The following NKX2-3 variants were observed in gnomAD, a reference collection of about 807,000 sequenced individuals.
NKX2-3 encodes NK2 homeobox 3, also known as homeobox protein Nkx-2.3.
NKX2-3 carries 3 observed loss-of-function variants against 14.2 expected under a neutral mutation model. That is an observed-to-expected ratio of 0.21 (90% CI 0.10 to 0.55). NKX2-3 has a LOEUF of 0.55. Ranked by LOEUF, NKX2-3 falls within the 20% of genes least tolerant of loss-of-function variation. The pLI, the probability that NKX2-3 is intolerant of heterozygous loss-of-function variation, is 0.94. For missense variants in NKX2-3, 511 were observed against 514.5 expected, an observed-to-expected ratio of 0.99 and a Z score of 0.06; for synonymous variants, 276 against 234.2, an observed-to-expected ratio of 1.18 and a Z score of -1.63.
rs2033965018 is a variant in NKX2-3 at position 99,535,885 on chromosome 10, G to C, written c.*164G>C. ...AGCTCACTCGAGGCCTGGGGAAGGG[G>C]ACTCAGGGGCGAGGAGGATGACTGG... On this transcript the variant is annotated 3_prime_UTR_variant, in exon 2 of 2. Transcript: ENST00000344586. 3 of 814,546 alleles carry C rather than the reference G, an allele frequency of 3.7e-6. No individual in the cohort carries two copies. The highest frequency in any genetic ancestry group is 5.4e-6 in the Non-Finnish European group (3 of 555,668). 50.5% of individuals were successfully genotyped at this position (814,546 alleles called of 1,614,324 possible). A position where few individuals can be genotyped will look rare whatever the true frequency, so the allele number is the denominator to read the frequency against.
rs1410974331 is a variant in NKX2-3, at chr10:99,533,116, C to T, written c.-16C>T. The stretch of plus-strand genomic sequence containing the variant: ...GCCGGGATTTATTATTTGGACTGGA[C>T]AATTAAGTGGCCCTGATGATGTTAC... On this transcript the variant is annotated 5_prime_UTR_variant, in exon 1 of 2. Transcript: ENST00000344586. 2.0e-6 allele frequency: 3 copies of T among 1,519,410 alleles called. No individual in the cohort carries two copies. The highest frequency in any genetic ancestry group is 2.7e-6 in the Non-Finnish European group (3 of 1,123,912). The allele number at this position is 1,519,410 out of a possible 1,614,324, so 94.1% of individuals were successfully genotyped here.
chr10:99,533,468 G>T lies in NKX2-3; in HGVS notation c.337G>T (p.Val113Phe), dbSNP rs1243060753. 1 of 1,583,000 alleles carries T rather than the reference G, an allele frequency of 6.3e-7. No individual in the cohort carries two copies. Among genetic ancestry groups the T allele is most frequent in the African/African-American group, 1.3e-5 (1 of 74,560 alleles). The change falls in exon 1 of 2, where the codon GTC becomes TTC. Residue 113 changes from valine (V) to phenylalanine (F), a missense_variant. Around this residue, in one of 3 missense-constraint regions of NKX2-3, gnomAD observed 243 missense variants for 242.3 expected, o/e 1.00. Transcript: ENST00000344586. ...CAAGGAACATGAAGAGGAGCCCGAG[G>T]TCGTGAGGGACCGGAGCCAAAGTGA... The part of the protein sequence containing the change: ...EPKEHEEEPE[V>F]VRDRSQKSCQ...
At position 99,535,628 on chromosome 10, in the gene NKX2-3, C is replaced by T. The variant is rs1183443456; in HGVS notation, c.1002C>T (p.Phe334=). 1.3e-6 allele frequency: 2 copies of T among 1,534,408 alleles called. No homozygotes were observed. Among genetic ancestry groups the T allele is most frequent in the Non-Finnish European group, 1.7e-6 (2 of 1,144,014 alleles). ...PFVNVSNLGG[F]GSGGSAQPLH... is the part of the protein sequence containing the mutation. ...TGAACGTGAGCAACCTAGGAGGCTT[C>T]GGCAGCGGCGGCAGCGCACAGCCGT... Residue 334 remains phenylalanine (F), a synonymous_variant, in exon 2 of 2, where the codon TTC becomes TTT. Coordinates refer to ENST00000344586, the MANE Select transcript of NKX2-3 (RefSeq NM_145285.3).
Position 99,533,085 on chromosome 10 carries a change from GC to G in NKX2-3, c.-42del. ...GCTGGAGCCGCCGCGCTGCCTCCCCGCCCCCGCCGGGATTTATTATTTGGAC... is the reference window on the plus strand; with the variant it reads ...GCTGGAGCCGCCGCGCTGCCTCCCCGCCCCGCCGGGATTTATTATTTGGAC... On this transcript the variant is annotated 5_prime_UTR_variant, in exon 1 of 2. Coordinates refer to ENST00000344586, the MANE Select transcript of NKX2-3 (RefSeq NM_145285.3). The G allele has an allele frequency of 7.1e-7, 1 of 1,409,512 alleles. No individual in the cohort carries two copies. The highest frequency in any genetic ancestry group is 9.6e-7 in the Non-Finnish European group (1 of 1,037,574). The allele number at this position is 1,409,512 out of a possible 1,614,324, so 87.3% of individuals were successfully genotyped here.
chr10:99,533,795 A>G (rs2033937062), intron 1 of NKX2-3, among the ~76,000 whole-genome samples: 1 of 152,310 alleles, frequency 6.6e-6, no homozygotes, highest in East Asian at 1.9e-4. Flanking sequence ...GGGTCCTCAT[A>G]ACTGGCAGTA....
At chr10:99,533,663 C>A (rs914564543) in intron 1 of NKX2-3, among the ~76,000 whole-genome samples, 174 bp downstream of exon 1, 6 of 152,216 alleles carry the variant, frequency 3.9e-5, no homozygotes, top group African/African-American at 1.4e-4. Context: ...TGCAAGGGAG[C>A]CGGGGTGGAG....
chr10:99,535,440 G>A lies in NKX2-3; in HGVS notation c.814G>A (p.Ala272Thr), dbSNP rs909037776. The change falls in exon 2 of 2, where the codon GCG (alanine) becomes ACG (threonine). Residue 272 changes from alanine (A) to threonine (T), a missense_variant. Around this residue, in one of 3 missense-constraint regions of NKX2-3, gnomAD observed 264 missense variants for 254.7 expected, o/e 1.04. Transcript: ENST00000344586. ...CGCCTACGGCTATGGGAACTCGGCCGCGGCCGCCGCCGCCGCCGCCGCCGC... is the reference window on the plus strand; with the variant it reads ...CGCCTACGGCTATGGGAACTCGGCCACGGCCGCCGCCGCCGCCGCCGCCGC... ...FPAYGYGNSA[A>T]AAAAAAAAAA... 3.0e-6 allele frequency: 4 copies of A among 1,316,786 alleles called. No homozygotes were observed. The highest frequency in any genetic ancestry group is 3.5e-5 in the South Asian group (2 of 56,520). The allele number at this position is 1,316,786 out of a possible 1,614,324, so 81.6% of individuals were successfully genotyped here.
At position 99,533,276 on chromosome 10, in the gene NKX2-3, G is replaced by A. The variant is rs201429667; in HGVS notation, c.145G>A (p.Ala49Thr). ...CCACTCTGCGCCCTGCATGCTGGCC[G>A]CCGCTGAGGGGACGCAATTTTCTGA... Reference protein sequence around the residue: ...HFHSAPCMLAAAEGTQFSDGG... With the variant: ...HFHSAPCMLATAEGTQFSDGG... The change falls in exon 1 of 2, where the codon GCC (alanine) becomes ACC (threonine). Residue 49 changes from alanine (A) to threonine (T), a missense_variant. Physicochemically the swap from Ala to Thr is moderately conservative, Grantham distance 58 (BLOSUM62 0). Transcript: ENST00000344586. 218 of 1,613,766 alleles carry A rather than the reference G, an allele frequency of 1.4e-4. No homozygotes were observed. Among genetic ancestry groups the A allele is most frequent in the Admixed American group, 1.8e-4 (11 of 59,962 alleles).
rs2033961372 is a variant in NKX2-3, at chr10:99,535,607, C to A, written c.981C>A (p.Asn327Lys). The A allele has an allele frequency of 6.6e-7, 1 of 1,517,472 alleles. No homozygotes were observed. The highest frequency in any genetic ancestry group is 8.8e-7 in the Non-Finnish European group (1 of 1,137,208). The allele number at this position is 1,517,472 out of a possible 1,614,324, so 94.0% of individuals were successfully genotyped here. The change falls in exon 2 of 2, where the codon AAC (asparagine) becomes AAA (lysine). Residue 327 changes from asparagine to lysine, a missense_variant. By Grantham distance (94) the Asn-to-Lys change is moderately conservative. Around this residue, in one of 3 missense-constraint regions of NKX2-3, gnomAD observed 264 missense variants for 254.7 expected, o/e 1.04. Transcript: ENST00000344586. ...CSAAGGGPFVNVSNLGGFGSG... is the reference protein window; with the variant it reads ...CSAAGGGPFVKVSNLGGFGSG... Reference sequence around the variant, plus strand: ...CGGCCGGAGGCGGCCCCTTTGTGAACGTGAGCAACCTAGGAGGCTTCGGCA... The same window carrying A: ...CGGCCGGAGGCGGCCCCTTTGTGAAAGTGAGCAACCTAGGAGGCTTCGGCA...
rs12247368 is a variant in NKX2-3, at chr10:99,534,873, A to C, written c.359-112A>C. 2,190 of 1,340,120 alleles carry C rather than the reference A, an allele frequency of 1.6e-3. 26 individuals carry two copies. The African/African-American group carries it at 0.024, about 15-fold the overall frequency. The allele number at this position is 1,340,120 out of a possible 1,614,324, so 83.0% of individuals were successfully genotyped here. ...CACAAACGTTCCCAAAAGTCCAGCC[A>C]TTTACTACCGCACGCTCTGCGCAGC... On this transcript the variant is annotated intron_variant, in intron 1 of 1. Coordinates refer to ENST00000344586, the MANE Select transcript of NKX2-3 (RefSeq NM_145285.3).
At position 99,535,748 on chromosome 10, in the gene NKX2-3, C is replaced by A. The variant is rs769597903; in HGVS notation, c.*27C>A. ...GACGGGGCGGGTCACGCGGCGGGCA[C>A]CCCAGCGCAGCCTGGCGCCGCGGGA... is the stretch of plus-strand genomic sequence containing the variant. On this transcript the variant is annotated 3_prime_UTR_variant, in exon 2 of 2. Coordinates refer to ENST00000344586, the MANE Select transcript of NKX2-3 (RefSeq NM_145285.3). 15 of 1,520,978 alleles carry A rather than the reference C, an allele frequency of 9.9e-6. No homozygotes were observed. The highest frequency in any genetic ancestry group is 8.5e-5 in the South Asian group (7 of 82,604). 94.2% of individuals were successfully genotyped at this position (1,520,978 alleles called of 1,614,324 possible). A position where few individuals can be genotyped will look rare whatever the true frequency, so the allele number is the denominator to read the frequency against.
In NKX2-3 at chr10:99,532,954, A is replaced by C; in HGVS notation, c.-178A>C. On this transcript the variant is annotated 5_prime_UTR_variant, in exon 1 of 2. Transcript: ENST00000344586. ...CCCCAGTCCCTGCAGTGGCTGTAAC[A>C]AAACCCAGACCCCCAGGTCCCGGCC... is the stretch of plus-strand genomic sequence containing the variant. 1.7e-6 allele frequency: 1 copy of C among 581,960 alleles called. No homozygotes were observed. The highest frequency in any genetic ancestry group is 3.1e-6 in the Non-Finnish European group (1 of 325,126). 36.0% of individuals were successfully genotyped at this position (581,960 alleles called of 1,614,324 possible).
At chr10:99,533,561 G>T (rs7908704) in intron 1 of NKX2-3, 72 bp downstream of exon 1, 1 of 1,176,448 alleles carries the variant, frequency 8.5e-7, no homozygotes, top group Non-Finnish European at 1.2e-6. Flanking sequence ...ACAGCCCACA[G>T]ACCTTGCCAG....
At position 99,535,733 on chromosome 10, in the gene NKX2-3, G is replaced by T. The variant is rs1222899406; in HGVS notation, c.*12G>T. The T allele has an allele frequency of 1.2e-5, 18 of 1,528,812 alleles. No individual in the cohort carries two copies. The highest frequency in any genetic ancestry group is 1.8e-4 in the Middle Eastern group (1 of 5,486). The allele number at this position is 1,528,812 out of a possible 1,614,324, so 94.7% of individuals were successfully genotyped here. ...TCCGGGCCTGGTAGGGACGGGGCGG[G>T]TCACGCGGCGGGCACCCCAGCGCAG... On this transcript the variant is annotated 3_prime_UTR_variant, in exon 2 of 2. Transcript: ENST00000344586.
rs372117331 is a variant in NKX2-3 at position 99,533,275 on chromosome 10, C to T, written c.144C>T (p.Ala48=). The T allele has an allele frequency of 6.2e-7, 1 of 1,613,956 alleles. No homozygotes were observed. Among genetic ancestry groups the T allele is most frequent in the Non-Finnish European group, 8.5e-7 (1 of 1,179,870 alleles). The part of the protein sequence containing the change: ...HHFHSAPCML[A]AAEGTQFSDG... ...TCCACTCTGCGCCCTGCATGCTGGC[C>T]GCCGCTGAGGGGACGCAATTTTCTG... Residue 48 remains alanine (A), a synonymous_variant, in exon 1 of 2, where the codon GCC becomes GCT. Coordinates refer to ENST00000344586, the MANE Select transcript of NKX2-3 (RefSeq NM_145285.3).
chr10:99,535,962 G>A lies in NKX2-3; in HGVS notation c.*241G>A. ...GCAGAAACGCCGGCTGGGCGCCGGGGAGGACGATGGCCCCGACCCTGGCAG... is the reference window on the plus strand; with the variant it reads ...GCAGAAACGCCGGCTGGGCGCCGGGAAGGACGATGGCCCCGACCCTGGCAG... On this transcript the variant is annotated 3_prime_UTR_variant, in exon 2 of 2. Coordinates refer to ENST00000344586, the MANE Select transcript of NKX2-3 (RefSeq NM_145285.3). 3.8e-6 allele frequency: 2 copies of A among 527,690 alleles called. No homozygotes were observed. The highest frequency in any genetic ancestry group is 2.3e-5 in the South Asian group (1 of 43,546). The allele number at this position is 527,690 out of a possible 1,614,324, so 32.7% of individuals were successfully genotyped here.
Position 99,535,693 on chromosome 10 carries a change from G to A in NKX2-3, c.1067G>A (p.Gly356Asp), listed in dbSNP as rs1174704095. The A allele has an allele frequency of 6.5e-7, 1 of 1,535,768 alleles. No homozygotes were observed. The highest frequency in any genetic ancestry group is 2.5e-5 in the East Asian group (1 of 40,726). The change falls in exon 2 of 2, where the codon GGC (glycine) becomes GAC (aspartate). Residue 356 changes from glycine (G) to aspartate (D), a missense_variant. Coordinates refer to ENST00000344586, the MANE Select transcript of NKX2-3 (RefSeq NM_145285.3). ...GCAGCCGGGGCCGCGTGCGCTCAGG[G>A]CACCTTGCAGGGCATCCGGGCCTGG... ...GTAAGAACAQ[G>D]TLQGIRAW
chr10:99,535,585 CCGGAGG>C lies in NKX2-3; in HGVS notation c.963_968del (p.Gly322_Gly323del), dbSNP rs1253477447. On this transcript the variant is annotated inframe_deletion, in exon 2 of 2. Coordinates refer to ENST00000344586, the MANE Select transcript of NKX2-3 (RefSeq NM_145285.3). ...GCCATGCAGCCCGCCTGCAGCGCGG[CCGGAGG>C]CGGCCCCTTTGTGAACGTGAGCAAC... 3 of 1,503,204 alleles carry C rather than the reference CCGGAGG, an allele frequency of 2.0e-6. No individual in the cohort carries two copies. Among genetic ancestry groups the C allele is most frequent in the Non-Finnish European group, 2.7e-6 (3 of 1,131,752 alleles). 93.1% of individuals were successfully genotyped at this position (1,503,204 alleles called of 1,614,324 possible).
At position 99,533,327 on chromosome 10, in the gene NKX2-3, G is replaced by C. The variant is rs776720958; in HGVS notation, c.196G>C (p.Glu66Gln). The C allele has an allele frequency of 1.9e-6, 3 of 1,613,266 alleles. No homozygotes were observed. Among genetic ancestry groups the C allele is most frequent in the Non-Finnish European group, 2.5e-6 (3 of 1,179,742 alleles). Residue 66 changes from glutamate to glutamine, a missense_variant, in exon 1 of 2, where the codon GAG becomes CAG. Around this residue, in one of 3 missense-constraint regions of NKX2-3, gnomAD observed 243 missense variants for 242.3 expected, o/e 1.00. Coordinates refer to ENST00000344586, the MANE Select transcript of NKX2-3 (RefSeq NM_145285.3). ...SDGGEEDEED[E>Q]GEKLSYLNSL... ...CGGAGGGGAGGAGGACGAGGAAGACGAGGGCGAGAAATTGTCCTATTTGAA... is the reference window on the plus strand; with the variant it reads ...CGGAGGGGAGGAGGACGAGGAAGACCAGGGCGAGAAATTGTCCTATTTGAA...
Sources: gnomAD v4.1 joint callset for allele counts (sites outside exome capture counted in the v4.1 genomes callset) on GRCh38, gnomAD v4.1.1 for gene constraint, gnomAD v4.1.1 regional missense constraint, MANE v1.5 for transcripts, NCBI Gene and HGNC (gene_info 2026-07-23, HGNC 2026-07-21) for gene names.